GALNT3: variants seen among roughly 807,000 people sequenced by gnomAD.
GALNT3 encodes polypeptide N-acetylgalactosaminyltransferase 3.
Under a neutral mutation model 69.8 loss-of-function variants are expected in GALNT3, and 51 were observed. That is an observed-to-expected ratio of 0.73 (90% CI 0.58 to 0.92). The LOEUF (loss-of-function observed/expected upper bound fraction) is 0.92, where lower values mean the gene tolerates loss of function less well. Ranked by LOEUF, GALNT3 falls within the 40% of genes least tolerant of loss-of-function variation. The probability of loss-of-function intolerance (pLI) is 0.00; values close to 1 mark genes in which losing one functional copy is unlikely to be tolerated. For missense variants in GALNT3, 711 were observed against 760.0 expected (o/e 0.94, Z 0.76); for synonymous variants, 265 against 248.5 (o/e 1.07, Z -0.63).
At chr2:165,768,233 T>G (rs78599738) in intron 2 of GALNT3, among the ~76,000 whole-genome samples, 6,336 of 152,298 alleles carry the variant, frequency 0.042, 379 homozygotes, top group African/African-American at 0.13. Flanking sequence ...CCAAAAAATG[T>G]TGTTAATGTG....
intron 1 of GALNT3, among the ~76,000 whole-genome samples, chr2:165,790,790 G>T (rs552851421): frequency 1.3e-5 from 2 of 152,026 alleles, no homozygotes; most frequent in Non-Finnish European, 2.9e-5. Context: ...TTGTGGAGAG[G>T]GGGAGTGTAA....
intron 7 of GALNT3, among the ~76,000 whole-genome samples, chr2:165,756,667 T>C (rs1688448094): frequency 6.6e-6 from 1 of 151,990 alleles, no homozygotes; most frequent in South Asian, 2.1e-4. Context: ...TCCTGGTTTA[T>C]TCTCATGCCA....
At chr2:165,760,789 C>T (rs867353510) in intron 4 of GALNT3, among the ~76,000 whole-genome samples, 7 of 152,258 alleles carry the variant, frequency 4.6e-5, no homozygotes, top group East Asian at 1.9e-4. Flanking sequence ...AAGCTAGACA[C>T]TCATACAAAG....
At chr2:165,784,880 G>T (rs555590890) in intron 1 of GALNT3, among the ~76,000 whole-genome samples, 1 of 152,276 alleles carries the variant, frequency 6.6e-6, no homozygotes, top group African/African-American at 2.4e-5. Flanking sequence ...CAAAGGTCAT[G>T]TTCAAAAAGC....
At chr2:165,758,380 T>A (rs547731221) in intron 6 of GALNT3, among the ~76,000 whole-genome samples, 1 of 152,184 alleles carries the variant, frequency 6.6e-6, no homozygotes, top group African/African-American at 2.4e-5. Flanking sequence ...TTAAGTCCAA[T>A]GTCCTTTAAA....
chr2:165,778,742 C>A (rs1683029547), intron 1 of GALNT3, among the ~76,000 whole-genome samples: 1 of 152,152 alleles, frequency 6.6e-6, no homozygotes, highest in East Asian at 1.9e-4. Context: ...AGCCGGGGGA[C>A]AGAACCCTAG....
intron 1 of GALNT3, among the ~76,000 whole-genome samples, chr2:165,778,640 A>G (rs1202466805): frequency 6.6e-6 from 1 of 152,190 alleles, no homozygotes. Context: ...GAGATGCCCT[A>G]GCTTTGACTA....
chr2:165,779,080 T>G (rs1420038205), intron 1 of GALNT3, among the ~76,000 whole-genome samples: 1 of 152,044 alleles, frequency 6.6e-6, no homozygotes, highest in Admixed American at 6.5e-5. Context: ...GAACACCAAC[T>G]CTAGAAAAAG....
intron 2 of GALNT3, among the ~76,000 whole-genome samples, chr2:165,766,724 C>A (rs1688650021): frequency 1.5e-5 from 1 of 65,144 alleles, no homozygotes; most frequent in African/African-American, 3.7e-5. Context: ...ACTGTAGCCT[C>A]CAGTGTGATA....
intron 2 of GALNT3, among the ~76,000 whole-genome samples, chr2:165,766,011 T>G (rs1688637214): frequency 6.6e-6 from 1 of 152,158 alleles, no homozygotes; most frequent in South Asian, 2.1e-4. Context: ...ACTCCTGACC[T>G]CAAGCAATCT....
Position 165,770,071 on chromosome 2 carries a change from T to C in GALNT3, c.515+115A>G, listed in dbSNP as rs1688720877. On this transcript the variant is annotated intron_variant, in intron 2 of 10. Transcript: ENST00000392701. ...AATACAACAGGTTAAATAAACAGTA[T>C]TTGCTGATTTTCTGCCTTAGAGTAG... 21 of 1,140,008 alleles carry C rather than the reference T, an allele frequency of 1.8e-5. 1 individual carries two copies. The South Asian group carries it at 2.6e-4, about 14-fold the overall frequency. 70.6% of individuals were successfully genotyped at this position (1,140,008 alleles called of 1,614,324 possible). A position where few individuals can be genotyped will look rare whatever the true frequency, so the allele number is the denominator to read the frequency against.
intron 9 of GALNT3, among the ~76,000 whole-genome samples, chr2:165,754,408 T>G (rs1428617174): frequency 4.8e-5 from 7 of 146,100 alleles, no homozygotes; most frequent in Non-Finnish European, 1.0e-4. Flanking sequence ...TTTTTTTTTT[T>G]TTTTTTTTTA....
At chr2:165,755,099 TAAAACAAC>T in intron 7 of GALNT3, 36 bp from the exon 8 acceptor site, 1 of 1,560,260 alleles carries the variant, frequency 6.4e-7, no homozygotes, top group African/African-American at 1.4e-5. Context: ...AATGCTTAAT[TAAAACAAC>T]ATTGATAAAG....
intron 2 of GALNT3, chr2:165,769,981 T>C (rs1688719361): frequency 3.2e-6 from 2 of 629,454 alleles, no homozygotes; most frequent in South Asian, 1.8e-5. Context: ...TAACTTTTCA[T>C]ATCTGCACTG....
Position 165,773,797 on chromosome 2 carries a change from T to TAA in GALNT3, c.-108-2991_-108-2990dup, listed in dbSNP as rs80285814. Reference sequence around the variant, plus strand: ...TTCCAATCCTATGAAGGAGGGGTGGTAAAAAAAAAAAAAAGACAAATGAAA... The same window carrying TAA: ...TTCCAATCCTATGAAGGAGGGGTGGTAAAAAAAAAAAAAAAAGACAAATGAAA... On this transcript the variant is annotated intron_variant, in intron 1 of 10. Coordinates refer to ENST00000392701, the MANE Select transcript of GALNT3 (RefSeq NM_004482.4). Among the ~76,000 whole-genome samples the TAA allele has an allele frequency of 9.1e-3, 1,228 of 134,672 alleles. 37 individuals are homozygous for TAA. The highest frequency in any genetic ancestry group is 0.066 in the Admixed American group (892 of 13,604). 88.4% of individuals were successfully genotyped at this position (134,672 alleles called of 152,430 possible).
chr2:165,758,865 C>G lies in GALNT3; in HGVS notation c.1074-1G>C, dbSNP rs1188058763. ...AAGTCCTCCTGCAAAAGTGGGTGTTCTGAAAAATAATCCATTGTCAAATTT... is the reference window on the plus strand; with the variant it reads ...AAGTCCTCCTGCAAAAGTGGGTGTTGTGAAAAATAATCCATTGTCAAATTT... On this transcript the variant is annotated splice_acceptor_variant, in intron 5 of 10. Coordinates refer to ENST00000392701, the MANE Select transcript of GALNT3 (RefSeq NM_004482.4). LOFTEE classifies it high-confidence loss of function. 6.4e-7 allele frequency: 1 copy of G among 1,555,416 alleles called. No homozygotes were observed. Among genetic ancestry groups the G allele is most frequent in the Admixed American group, 1.7e-5 (1 of 59,886 alleles).
intron 1 of GALNT3, among the ~76,000 whole-genome samples, chr2:165,772,144 T>C (rs934234422): frequency 6.6e-6 from 1 of 152,114 alleles, no homozygotes; most frequent in African/African-American, 2.4e-5. Flanking sequence ...ACTATGACAG[T>C]TGTGTAATTA....
chr2:165,754,075 CTTTT>C (rs1164777096), intron 9 of GALNT3, among the ~76,000 whole-genome samples: 1 of 141,712 alleles, frequency 7.1e-6, no homozygotes, highest in Non-Finnish European at 1.6e-5. Flanking sequence ...TCTCATTTTC[CTTTT>C]TTTTTTTTTA....
rs568101004 is a variant in GALNT3 at position 165,762,010 on chromosome 2, T to C, written c.733A>G (p.Ile245Val). The C allele has an allele frequency of 5.1e-5, 82 of 1,601,832 alleles. 2 individuals are homozygous for C. The South Asian group carries it at 7.9e-4, about 15-fold the overall frequency. Residue 245 changes from isoleucine to valine, a missense_variant, in exon 4 of 11, where the codon ATA becomes GTA. Coordinates refer to ENST00000392701, the MANE Select transcript of GALNT3 (RefSeq NM_004482.4). ...KLDEYVKQFS[I>V]VKIVRQRERK... The stretch of plus-strand genomic sequence containing the variant: ...TCTCTTTGTCTGACTATTTTTACTA[T>C]AGAAAATTGTTTTACATATTCATCT...
Sources: gnomAD v4.1 joint callset for allele counts (sites outside exome capture counted in the v4.1 genomes callset) on GRCh38, gnomAD v4.1.1 for gene constraint, MANE v1.5 for transcripts, NCBI Gene and HGNC (gene_info 2026-07-23, HGNC 2026-07-21) for gene names.